The following ZFAT variants were observed in gnomAD, a reference collection of about 807,000 sequenced individuals.
The protein encoded by ZFAT is zinc finger protein ZFAT.
ZFAT carries 64 observed loss-of-function variants against 117.7 expected under a neutral mutation model. The observed-to-expected ratio is 0.54, with a 90% confidence interval of 0.44 to 0.67. The LOEUF is 0.67. Among genes scored for constraint, ZFAT ranks in the 30% least tolerant of loss-of-function variants. The probability of loss-of-function intolerance (pLI) is 0.00; values close to 1 mark genes in which losing one functional copy is unlikely to be tolerated. For synonymous variants in ZFAT, 679 were observed against 615.0 expected, an observed-to-expected ratio of 1.10 and a Z score of -1.54; for missense variants, 1,433 against 1,584.5, an observed-to-expected ratio of 0.90 and a Z score of 1.62.
chr8:134,529,744 T>A (rs1821280441), intron 12 of ZFAT, among the ~76,000 whole-genome samples: 1 of 152,284 alleles, frequency 6.6e-6, no homozygotes, highest in Non-Finnish European at 1.5e-5. Context: ...AGGGACATCA[T>A]GTGAGCAGCT....
the ZFAT span, among the ~76,000 whole-genome samples, chr8:134,786,354 A>G: frequency 6.6e-6 from 1 of 152,194 alleles, no homozygotes; most frequent in Admixed American, 6.5e-5. Flanking sequence ...CTAAAGTTGT[A>G]CCATTAACTT....
At chr8:134,653,075 TA>T (rs947987025) in intron 2 of ZFAT, among the ~76,000 whole-genome samples, 2 of 150,578 alleles carry the variant, frequency 1.3e-5, no homozygotes, top group African/African-American at 2.4e-5. Flanking sequence ...ATACAGACAC[TA>T]AAAAAAATTA....
chr8:134,578,980 C>T (rs1054320464), intron 10 of ZFAT, among the ~76,000 whole-genome samples: 2 of 152,148 alleles, frequency 1.3e-5, no homozygotes, highest in Non-Finnish European at 2.9e-5. Context: ...TTACACTTTT[C>T]AAAGTTCGTA....
chr8:134,812,871 G>C, the ZFAT span, among the ~76,000 whole-genome samples: 1 of 152,146 alleles, frequency 6.6e-6, no homozygotes, highest in African/African-American at 2.4e-5. Flanking sequence ...ACACTATTAG[G>C]TAGGTACTAG....
intron 11 of ZFAT, among the ~76,000 whole-genome samples, chr8:134,554,750 G>A (rs1046899823): frequency 6.6e-5 from 10 of 152,180 alleles, no homozygotes; most frequent in African/African-American, 2.4e-4. Flanking sequence ...TGCAAAGCTG[G>A]TAGAGCGCCT....
chr8:134,690,978 A>AT (rs1339394569), intron 1 of ZFAT, among the ~76,000 whole-genome samples: 1 of 152,156 alleles, frequency 6.6e-6, no homozygotes, highest in Non-Finnish European at 1.5e-5. Flanking sequence ...CATGAGAATA[A>AT]TTTTACATGA....
the ZFAT span, among the ~76,000 whole-genome samples, chr8:134,774,615 G>T: frequency 3.4e-4 from 52 of 152,174 alleles, no homozygotes; most frequent in Non-Finnish European, 1.5e-4. Context: ...ACACCTAACA[G>T]ACTACAGTAT....
At chr8:134,812,539 T>A in the ZFAT span, among the ~76,000 whole-genome samples, 1 of 151,968 alleles carries the variant, frequency 6.6e-6, no homozygotes, top group African/African-American at 2.4e-5. Flanking sequence ...GAGACCAGCC[T>A]GCCTGGCCAA....
the ZFAT span, among the ~76,000 whole-genome samples, chr8:134,824,035 A>G: frequency 4.4e-4 from 67 of 152,346 alleles, no homozygotes; most frequent in East Asian, 8.7e-3. Context: ...AATACTGAAT[A>G]AACACCAAGT....
intron 8 of ZFAT, among the ~76,000 whole-genome samples, chr8:134,589,992 G>A (rs564092644): frequency 2.0e-5 from 3 of 152,304 alleles, no homozygotes; most frequent in African/African-American, 4.8e-5. Flanking sequence ...GCGACCCATC[G>A]AAAGGCATGC....
intron 15 of ZFAT, among the ~76,000 whole-genome samples, chr8:134,499,636 G>A (rs1350999241): frequency 6.6e-6 from 1 of 151,930 alleles, no homozygotes; most frequent in Non-Finnish European, 1.5e-5. Flanking sequence ...GAGCCGTGAT[G>A]CCCCCGTTGC....
At position 134,584,015 on chromosome 8, in the gene ZFAT, GA is replaced by G; in HGVS notation, c.2714-11del. ...TTGAAGGGCTTCACACCTGCCAAGG[GA>G]AAAATGTATATATCTCTATATATTT... On this transcript the variant is annotated splice_polypyrimidine_tract_variant and intron_variant, in intron 9 of 15. Transcript: ENST00000377838. 4 of 1,549,928 alleles carry G rather than the reference GA, an allele frequency of 2.6e-6. 1 individual carries two copies. In the South Asian group the frequency reaches 4.8e-5, roughly 19 times the overall value.
At chr8:134,486,929 T>C (rs955682213) in intron 15 of ZFAT, among the ~76,000 whole-genome samples, 4 of 152,102 alleles carry the variant, frequency 2.6e-5, no homozygotes, top group African/African-American at 7.2e-5. Flanking sequence ...TGGGTGTGCA[T>C]GTGTGTATAT....
chr8:134,550,310 GA>G (rs10680896), intron 11 of ZFAT, among the ~76,000 whole-genome samples: 1,167 of 72,518 alleles, frequency 0.016, 13 homozygotes, highest in African/African-American at 0.053. Context: ...GGTCACAACG[GA>G]AAAAAAAAAA....
the ZFAT span, among the ~76,000 whole-genome samples, chr8:134,752,313 G>A: frequency 3.9e-5 from 6 of 152,136 alleles, no homozygotes; most frequent in African/African-American, 1.4e-4. Context: ...TGCCACAAAA[G>A]GCCCTACATG....
At chr8:134,687,529 C>T (rs1833381140) in intron 1 of ZFAT, among the ~76,000 whole-genome samples, 1 of 152,140 alleles carries the variant, frequency 6.6e-6, no homozygotes, top group Non-Finnish European at 1.5e-5. Flanking sequence ...ATGTGGCCCT[C>T]AGGAAAGCAC....
chr8:134,569,005 G>A (rs1824680647), intron 10 of ZFAT, among the ~76,000 whole-genome samples: 2 of 152,156 alleles, frequency 1.3e-5, no homozygotes, highest in African/African-American at 4.8e-5. Flanking sequence ...ACGTGGATGC[G>A]AATCTCCCAG....
At chr8:134,820,256 T>C in the ZFAT span, among the ~76,000 whole-genome samples, 42 of 152,298 alleles carry the variant, frequency 2.8e-4, no homozygotes, top group Admixed American at 6.5e-4. Flanking sequence ...TTAAAACATA[T>C]TGACTGATTC....
At chr8:134,587,385 T>A (rs543864802) in intron 9 of ZFAT, among the ~76,000 whole-genome samples, 1 of 152,218 alleles carries the variant, frequency 6.6e-6, no homozygotes, top group Admixed American at 6.5e-5. Flanking sequence ...TTCTCATTAC[T>A]GAACCACTGG....
Sources: allele counts gnomAD v4.1 joint callset (sites outside exome capture counted in the v4.1 genomes callset), GRCh38; gene constraint gnomAD v4.1.1; transcripts MANE v1.5; gene names NCBI Gene and HGNC (gene_info 2026-07-23, HGNC 2026-07-21).